The following SLC9A1 variants were observed in gnomAD, a reference collection of about 807,000 sequenced individuals.
SLC9A1 encodes solute carrier family 9 member A1, also known as sodium/hydrogen exchanger 1.
SLC9A1 carries 22 observed loss-of-function variants against 67.9 expected under a neutral mutation model. The observed-to-expected ratio is 0.32, with a 90% CI of 0.23 to 0.46. The LOEUF (loss-of-function observed/expected upper bound fraction) is 0.46. SLC9A1 is among the 20% of genes least tolerant of loss of function. SLC9A1 has a pLI of 1.00. For missense variants in SLC9A1, 686 were observed against 1,094.8 expected (o/e 0.63, Z 5.27); for synonymous variants, 421 against 471.8 (o/e 0.89, Z 1.40).
chr1:27,136,409 G>A, intron 1 of SLC9A1, among the ~76,000 whole-genome samples: 1 of 152,170 alleles, frequency 6.6e-6, no homozygotes, highest in Middle Eastern at 3.2e-3. Context: ...AGCAGAGCTG[G>A]GCCTGGGCTT....
chr1:27,107,933 A>G (rs1403872373), intron 3 of SLC9A1, 68 bp from the exon 4 acceptor site: 4 of 1,221,104 alleles, frequency 3.3e-6, no homozygotes, highest in African/African-American at 3.0e-5. Flanking sequence ...CTCCACTGCC[A>G]GGGGCAATGG....
Position 27,147,724 on chromosome 1 carries a change from A to T in SLC9A1, c.352+6259T>A, listed in dbSNP as rs573101492. On this transcript the variant is annotated intron_variant, in intron 1 of 11. Transcript: ENST00000263980. ...TAGAAAACGGGCTCAGGCCAGGAGC[A>T]GTGGCTTACGCCTGTAATCCAGCAC... Among the ~76,000 whole-genome samples, 43 of 152,338 alleles carry T rather than the reference A, an allele frequency of 2.8e-4. 2 individuals carry two copies. The South Asian group carries it at 8.9e-3, about 32-fold the overall frequency.
At chr1:27,121,563 G>A (rs894947274) in intron 1 of SLC9A1, among the ~76,000 whole-genome samples, 1 of 152,154 alleles carries the variant, frequency 6.6e-6, no homozygotes, top group African/African-American at 2.4e-5. Context: ...CAGCGATTGA[G>A]CCAGCAGCAA....
intron 1 of SLC9A1, among the ~76,000 whole-genome samples, chr1:27,150,922 C>T (rs956199853): frequency 6.6e-6 from 1 of 152,150 alleles, no homozygotes; most frequent in Non-Finnish European, 1.5e-5. Context: ...AGGGCTCCAA[C>T]GGAACTCCTA....
chr1:27,108,102 TGTCACCCAGGCTGGAG>T (rs1463018308), intron 3 of SLC9A1, among the ~76,000 whole-genome samples: 7 of 147,634 alleles, frequency 4.7e-5, no homozygotes, highest in African/African-American at 1.8e-4. Flanking sequence ...AGTCTCACTC[TGTCACCCAGGCTGGAG>T]AGCAGTGGCG....
chr1:27,106,763 G>A lies in SLC9A1; in HGVS notation c.1283-676C>T, dbSNP rs75789329. Among the ~76,000 whole-genome samples the A allele has an allele frequency of 6.1e-3, 923 of 152,112 alleles. 8 individuals are homozygous for A. Among genetic ancestry groups the A allele is most frequent in the African/African-American group, 0.021 (856 of 41,464 alleles). The stretch of plus-strand genomic sequence containing the variant: ...GCTGCATAGGTTTGGAGGACTGCAC[G>A]TGGCTCTGCATGCGATTCGGCACAT... On this transcript the variant is annotated intron_variant, in intron 4 of 11. Transcript: ENST00000263980. The surrounding 1 kb of genome is among the most constrained non-coding windows in gnomAD (Gnocchi z 4.3).
At chr1:27,133,090 C>T (rs1387892253) in intron 1 of SLC9A1, among the ~76,000 whole-genome samples, 5 of 150,780 alleles carry the variant, frequency 3.3e-5, no homozygotes, top group African/African-American at 9.8e-5. Flanking sequence ...TTTTTTGAGA[C>T]GGAGTCTCAC....
At chr1:27,103,542 AC>A (rs1213881512) in intron 5 of SLC9A1, 6 of 551,748 alleles carry the variant, frequency 1.1e-5, no homozygotes, top group South Asian at 2.1e-5. Flanking sequence ...CTGCCAAATG[AC>A]CCCCACACTG....
intron 1 of SLC9A1, among the ~76,000 whole-genome samples, chr1:27,136,093 C>A (rs2083418993): frequency 1.3e-5 from 2 of 152,338 alleles, no homozygotes; most frequent in Non-Finnish European, 1.5e-5. Flanking sequence ...TCTCCACCTG[C>A]AGAGCCTTCT....
At chr1:27,133,003 T>C (rs951412213) in intron 1 of SLC9A1, among the ~76,000 whole-genome samples, 1 of 151,834 alleles carries the variant, frequency 6.6e-6, no homozygotes, top group African/African-American at 2.4e-5. Context: ...GCCAAATGCT[T>C]CCTGGGAGGG....
At chr1:27,143,137 T>A (rs905131489) in intron 1 of SLC9A1, among the ~76,000 whole-genome samples, 2 of 151,884 alleles carry the variant, frequency 1.3e-5, no homozygotes, top group Middle Eastern at 3.4e-3. Flanking sequence ...CAGACTATTT[T>A]GGGAGCTCCA....
Position 27,109,675 on chromosome 1 carries a change from C to A in SLC9A1, c.916G>T (p.Val306Leu), listed in dbSNP as rs1570851938. 2 of 1,613,974 alleles carry A rather than the reference C, an allele frequency of 1.2e-6. No homozygotes were observed. The highest frequency in any genetic ancestry group is 1.7e-6 in the Non-Finnish European group (2 of 1,179,996). Residue 306 changes from valine to leucine, a missense_variant, in exon 3 of 12, where the codon GTG becomes TTG. Transcript: ENST00000263980. The surrounding 1 kb of genome is among the most constrained non-coding windows in gnomAD (Gnocchi z 5.5). ...ACCCCGTAGACCACGCCCACAAGCA[C>A]CCCGCCCAGGGCCACCACGAAGAAG... ...LSFFVVALGGVLVGVVYGVIA... is the reference protein window; with the variant it reads ...LSFFVVALGGLLVGVVYGVIA...
At position 27,154,557 on chromosome 1, in the gene SLC9A1, C is replaced by T. The variant is rs1470481833; in HGVS notation, c.-223G>A. The T allele has an allele frequency of 2.3e-5, 11 of 476,212 alleles. No homozygotes were observed. Among genetic ancestry groups the T allele is most frequent in the Middle Eastern group, 1.1e-3 (2 of 1,904 alleles). 29.5% of individuals were successfully genotyped at this position (476,212 alleles called of 1,614,324 possible). ...GGGAAAGGGGGCAAGGACCCAGGAA[C>T]GACCACGAAAGGAGACCAAAAGGTC... is the stretch of plus-strand genomic sequence containing the variant. On this transcript the variant is annotated 5_prime_UTR_variant, in exon 1 of 12. Coordinates refer to ENST00000263980, the MANE Select transcript of SLC9A1 (RefSeq NM_003047.5).
chr1:27,139,674 G>C (rs1257293756), intron 1 of SLC9A1, among the ~76,000 whole-genome samples: 1 of 152,158 alleles, frequency 6.6e-6, no homozygotes, highest in African/African-American at 2.4e-5. Context: ...GGAAGGGTTG[G>C]AAACATCCCA....
chr1:27,120,147 GT>G (rs2083295529), intron 1 of SLC9A1, among the ~76,000 whole-genome samples: 1 of 151,688 alleles, frequency 6.6e-6, no homozygotes, highest in Non-Finnish European at 1.5e-5. Flanking sequence ...GTTTTGTTTT[GT>G]TTTGGGGGGG....
chr1:27,124,777 A>ATTTTAGTGAC (rs1557747260), intron 1 of SLC9A1, among the ~76,000 whole-genome samples: 1 of 152,056 alleles, frequency 6.6e-6, no homozygotes, highest in Non-Finnish European at 1.5e-5. Context: ...CCACTTGGAC[A>ATTTTAGTGAC]TTTTAGTGAC....
intron 2 of SLC9A1, among the ~76,000 whole-genome samples, chr1:27,111,100 C>T (rs931264241): frequency 6.6e-6 from 1 of 152,182 alleles, no homozygotes; most frequent in Non-Finnish European, 1.5e-5. Flanking sequence ...AGGGGAGATG[C>T]AGAGCACTGG....
At position 27,154,316 on chromosome 1, in the gene SLC9A1, T is replaced by C; in HGVS notation, c.19A>G (p.Ile7Val). 6.3e-7 allele frequency: 1 copy of C among 1,597,082 alleles called. No homozygotes were observed. Residue 7 changes from isoleucine (I) to valine (V), a missense_variant, in exon 1 of 12, where the codon ATC (isoleucine) becomes GTC (valine). Ile to Val is a conservative substitution (Grantham distance 29). Around this residue, in one of 7 missense-constraint regions of SLC9A1, gnomAD observed 143 missense variants for 166.7 expected, o/e 0.86. Transcript: ENST00000263980. MVLRSG[I>V]CGLSPHRIFP... ...ATCCGATGTGGAGAGAGGCCACAGA[T>C]GCCAGACCGCAGAACCATGGTGCTG...
In SLC9A1 at chr1:27,101,139, G is replaced by A. The variant is rs1306812510; in HGVS notation, c.2110+64C>T. 7.1e-6 allele frequency: 9 copies of A among 1,267,260 alleles called. No individual in the cohort carries two copies. The highest frequency in any genetic ancestry group is 1.7e-5 in the Admixed American group (1 of 57,604). The allele number at this position is 1,267,260 out of a possible 1,614,324, so 78.5% of individuals were successfully genotyped here. ...AGTGGCTGAGGACTGTTCCTGTGGA[G>A]CCCCATCCTCAGGAGGTGGCAGCTC... On this transcript the variant is annotated intron_variant, in intron 11 of 11. Transcript: ENST00000263980. This position sits in a 1 kb window ranked among gnomAD's most constrained non-coding sequence, Gnocchi z 4.9.
Sources: allele counts gnomAD v4.1 joint callset (sites outside exome capture counted in the v4.1 genomes callset), GRCh38; gene constraint gnomAD v4.1.1; regional missense constraint gnomAD v4.1.1; non-coding constraint Gnocchi (gnomAD v3.1); transcripts MANE v1.5; gene names NCBI Gene and HGNC (gene_info 2026-07-23, HGNC 2026-07-21).